The following CACNA1C variants were observed in gnomAD, a reference collection of about 807,000 sequenced individuals.
CACNA1C encodes the protein voltage-dependent L-type calcium channel subunit alpha-1C.
Under a neutral mutation model 229.0 loss-of-function variants are expected in CACNA1C, and 30 were observed. The observed-to-expected ratio is 0.13, with a 90% CI of 0.10 to 0.18. The LOEUF (loss-of-function observed/expected upper bound fraction) is 0.18, where lower values mean the gene tolerates loss of function less well. Ranked by LOEUF, CACNA1C falls within the 10% of genes least tolerant of loss-of-function variation. The probability of loss-of-function intolerance (pLI) is 1.00; values close to 1 mark genes in which losing one functional copy is unlikely to be tolerated. For synonymous variants in CACNA1C, 1,114 were observed against 1,132.5 expected (o/e 0.98, Z 0.33); for missense variants, 1,658 against 2,845.0 (o/e 0.58, Z 9.49).
At chr12:2,527,678 A>G (rs1486316121) in intron 9 of CACNA1C, among the ~76,000 whole-genome samples, 1 of 152,246 alleles carries the variant, frequency 6.6e-6, no homozygotes, top group Non-Finnish European at 1.5e-5. Context: ...ATTTACTAAT[A>G]TTCGCTAAGG....
At position 2,633,691 on chromosome 12, in the gene CACNA1C, C is replaced by T. The variant is rs776471522; in HGVS notation, c.3829-606C>T. 4.4e-6 allele frequency: 7 copies of T among 1,606,694 alleles called. No homozygotes were observed. The highest frequency in any genetic ancestry group is 2.2e-5 in the South Asian group (2 of 90,892). On this transcript the variant is annotated intron_variant, in intron 29 of 46. Transcript: ENST00000399655. This position sits in a 1 kb window ranked among gnomAD's most constrained non-coding sequence, Gnocchi z 5.8. ...TCATCGTAATTGGCAGCATAATTGA[C>T]GTCATTCTCAGTGAGACTAATGTGA...
rs557088911 is a variant in CACNA1C, at chr12:2,262,931, T to C, written c.477+142501T>C. On this transcript the variant is annotated intron_variant, in intron 3 of 46. Transcript: ENST00000399655. The stretch of plus-strand genomic sequence containing the variant: ...GTGAATAAAACAGACAATTCCTACC[T>C]GCAAGGAGGTTGCACTTTTGTGGGA... 2.6e-5 allele frequency among the ~76,000 whole-genome samples: 4 copies of C among 152,224 alleles called. No homozygotes were observed. The South Asian group carries it at 8.3e-4, about 32-fold the overall frequency.
intron 1 of CACNA1C, among the ~76,000 whole-genome samples, chr12:1,985,270 G>A (rs1033967214): frequency 1.3e-5 from 2 of 151,944 alleles, no homozygotes; most frequent in African/African-American, 2.4e-5. Flanking sequence ...ATTGCCCCAC[G>A]GATTTCTGAA....
At chr12:2,290,666 G>T (rs1315769770) in intron 3 of CACNA1C, among the ~76,000 whole-genome samples, 1 of 152,152 alleles carries the variant, frequency 6.6e-6, no homozygotes, top group African/African-American at 2.4e-5. Context: ...CTTTATTAGA[G>T]ACATACACTC....
intron 3 of CACNA1C, among the ~76,000 whole-genome samples, chr12:2,246,624 G>A (rs1422809160): frequency 6.6e-6 from 1 of 152,146 alleles, no homozygotes; most frequent in Non-Finnish European, 1.5e-5. Flanking sequence ...AGGGTAGGTC[G>A]TCAGGTCCCG....
intron 3 of CACNA1C, among the ~76,000 whole-genome samples, chr12:2,396,268 G>C (rs2098572158): frequency 6.6e-6 from 1 of 152,158 alleles, no homozygotes; most frequent in Non-Finnish European, 1.5e-5. Context: ...ACAGAAAGAG[G>C]TGAAGAGAGA....
At chr12:2,622,872 C>T (rs2084084589) in intron 29 of CACNA1C, among the ~76,000 whole-genome samples, 1 of 152,206 alleles carries the variant, frequency 6.6e-6, no homozygotes, top group South Asian at 2.1e-4. Context: ...TTTTCCATCT[C>T]CTGGTGGCCT....
rs549742525 is a variant in CACNA1C at position 2,567,506 on chromosome 12, C to T, written c.1670-63C>T. On this transcript the variant is annotated intron_variant, in intron 12 of 46. Coordinates refer to ENST00000399655, the MANE Select transcript of CACNA1C (RefSeq NM_000719.7). The stretch of plus-strand genomic sequence containing the variant: ...GGAGATAATTACTGTATTTCCTTTC[C>T]CTGCCTCCCTCTCTGCCTCCTCTGG... 6.1e-6 allele frequency: 6 copies of T among 983,172 alleles called. No individual in the cohort carries two copies. The African/African-American group carries it at 6.5e-5, about 11-fold the overall frequency. The allele number at this position is 983,172 out of a possible 1,614,324, so 60.9% of individuals were successfully genotyped here.
chr12:2,485,135 G>A (rs1437963155), intron 5 of CACNA1C, among the ~76,000 whole-genome samples: 5 of 152,040 alleles, frequency 3.3e-5, no homozygotes, highest in Non-Finnish European at 7.4e-5. Flanking sequence ...TGTGTAGTGC[G>A]ACTTGGAGGG....
At position 2,486,828 on chromosome 12, in the gene CACNA1C, G is replaced by A. The variant is rs947272383; in HGVS notation, c.916+566G>A. Among the ~76,000 whole-genome samples, 21 of 152,332 alleles carry A rather than the reference G, an allele frequency of 1.4e-4. No individual in the cohort carries two copies. The highest frequency in any genetic ancestry group is 4.1e-4 in the African/African-American group (17 of 41,578). On this transcript the variant is annotated intron_variant, in intron 6 of 46. Transcript: ENST00000399655. The surrounding 1 kb of genome is among the most constrained non-coding windows in gnomAD (Gnocchi z 4.9). ...TATTCCAGGTGGGGGAGGAGGGCAG[G>A]TGGGAATCACCCCCTTGCCGGCAGC...
intron 3 of CACNA1C, among the ~76,000 whole-genome samples, chr12:2,309,902 A>G (rs932061845): frequency 2.6e-5 from 4 of 152,010 alleles, no homozygotes; most frequent in African/African-American, 9.7e-5. Context: ...CAGCCGGGGA[A>G]CTGCATGAGT....
chr12:2,447,877 C>T (rs776194288), intron 3 of CACNA1C, among the ~76,000 whole-genome samples: 8 of 152,216 alleles, frequency 5.3e-5, no homozygotes, highest in African/African-American at 4.8e-5. Context: ...GGTTCTGAGC[C>T]GAGTGCCCAC....
intron 21 of CACNA1C, among the ~76,000 whole-genome samples, chr12:2,598,735 T>A (rs2070109748): frequency 6.6e-6 from 1 of 152,190 alleles, no homozygotes; most frequent in Non-Finnish European, 1.5e-5. Flanking sequence ...GACAGGACAG[T>A]TCAGTCACAT....
chr12:2,544,763 G>T (rs1027611572), intron 9 of CACNA1C, among the ~76,000 whole-genome samples: 8 of 152,228 alleles, frequency 5.3e-5, no homozygotes, highest in African/African-American at 1.9e-4. Flanking sequence ...GTAGTTGGTT[G>T]GCGAGAGGTC....
intron 1 of CACNA1C, among the ~76,000 whole-genome samples, chr12:2,023,656 T>A (rs2154488783): frequency 6.6e-6 from 1 of 152,292 alleles, no homozygotes; most frequent in East Asian, 1.9e-4. Flanking sequence ...GGACAAGTCA[T>A]TTGGGAGAGG....
chr12:2,025,197 AG>A (rs1266309527), intron 1 of CACNA1C, among the ~76,000 whole-genome samples: 3 of 151,194 alleles, frequency 2.0e-5, no homozygotes, highest in East Asian at 4.0e-4. Context: ...TCTAGTGGGA[AG>A]GGTCACTTCC....
At chr12:2,421,995 T>G (rs578056130) in intron 3 of CACNA1C, among the ~76,000 whole-genome samples, 1 of 152,172 alleles carries the variant, frequency 6.6e-6, no homozygotes, top group African/African-American at 2.4e-5. Flanking sequence ...ACAAAATACC[T>G]TTCTCTGTTC....
chr12:2,271,099 T>G (rs1368163882), intron 3 of CACNA1C, among the ~76,000 whole-genome samples: 1 of 152,096 alleles, frequency 6.6e-6, no homozygotes, highest in Non-Finnish European at 1.5e-5. Flanking sequence ...CCCGATAGGC[T>G]CTGTCACCTC....
Position 2,335,886 on chromosome 12 carries a change from A to G in CACNA1C, c.478-113090A>G, listed in dbSNP as rs370500158. Among the ~76,000 whole-genome samples, 165 of 152,276 alleles carry G rather than the reference A, an allele frequency of 1.1e-3. 1 individual carries two copies. Among genetic ancestry groups the G allele is most frequent in the African/African-American group, 3.8e-3 (159 of 41,562 alleles). ...CAAGTGGTATAGATGTTTTTCCCAAAAAAAAGTAAGGCTGAAAAAAATCAA... is the reference window on the plus strand; with the variant it reads ...CAAGTGGTATAGATGTTTTTCCCAAGAAAAAGTAAGGCTGAAAAAAATCAA... On this transcript the variant is annotated intron_variant, in intron 3 of 46. Coordinates refer to ENST00000399655, the MANE Select transcript of CACNA1C (RefSeq NM_000719.7).
Sources: allele counts gnomAD v4.1 joint callset (sites outside exome capture counted in the v4.1 genomes callset), GRCh38; gene constraint gnomAD v4.1.1; non-coding constraint Gnocchi (gnomAD v3.1); transcripts MANE v1.5; gene names NCBI Gene and HGNC (gene_info 2026-07-23, HGNC 2026-07-21).